CFAP221: variants seen among roughly 807,000 people sequenced by gnomAD.
CFAP221 encodes cilia- and flagella-associated protein 221.
In CFAP221, 97 loss-of-function variants were observed where a neutral mutation model predicts 113.1. The ratio of observed to expected loss-of-function variants is 0.86; its 90% CI spans 0.73 to 1.02. The LOEUF is 1.02. Among genes scored for constraint, CFAP221 ranks in the 50% least tolerant of loss-of-function variants. The probability of loss-of-function intolerance (pLI) is 0.00; values close to 1 mark genes in which losing one functional copy is unlikely to be tolerated. For synonymous variants in CFAP221, 331 were observed against 354.4 expected, an observed-to-expected ratio of 0.93 and a Z score of 0.74; for missense variants, 1,025 against 1,013.4, an observed-to-expected ratio of 1.01 and a Z score of -0.16.
chr2:119,546,374 T>A, intron 2 of CFAP221, 104 bp downstream of exon 2: 4 of 1,260,606 alleles, frequency 3.2e-6, no homozygotes, highest in Non-Finnish European at 4.3e-6. Flanking sequence ...ATCTATATCA[T>A]TTTATAGGCT....
rs1003171067 is a variant in CFAP221 at position 119,546,369 on chromosome 2, T to C, written c.139+99T>C. On this transcript the variant is annotated intron_variant, in intron 2 of 23. Transcript: ENST00000413369. ...GGGACTTTTAGTGCTGATTTATCTA[T>C]ATCATTTTATAGGCTTATACTAATT... 20 of 1,295,642 alleles carry C rather than the reference T, an allele frequency of 1.5e-5. No individual in the cohort carries two copies. The Admixed American group carries it at 5.3e-4, about 34-fold the overall frequency. 80.3% of individuals were successfully genotyped at this position (1,295,642 alleles called of 1,614,324 possible).
At chr2:119,602,116 G>A (rs1046110328) in intron 8 of CFAP221, among the ~76,000 whole-genome samples, 40 of 151,948 alleles carry the variant, frequency 2.6e-4, no homozygotes, top group African/African-American at 9.4e-4. Flanking sequence ...ATGGTGACTC[G>A]CGCCTATAAT....
chr2:119,545,766 G>T (rs1026944441), intron 1 of CFAP221, among the ~76,000 whole-genome samples: 6 of 152,114 alleles, frequency 3.9e-5, no homozygotes, highest in Non-Finnish European at 7.4e-5. Flanking sequence ...GTTTGACTGA[G>T]AGCCTTTATT....
chr2:119,640,037 T>C (rs1279822419), intron 21 of CFAP221, among the ~76,000 whole-genome samples, 165 bp downstream of exon 21: 1 of 152,192 alleles, frequency 6.6e-6, no homozygotes, highest in Non-Finnish European at 1.5e-5. Context: ...GATTTTCATA[T>C]TTGGAATTTA....
chr2:119,641,837 A>G (rs1687509291), intron 21 of CFAP221, among the ~76,000 whole-genome samples: 1 of 152,228 alleles, frequency 6.6e-6, no homozygotes, highest in South Asian at 2.1e-4. Flanking sequence ...CTATGCAGTC[A>G]GTAAACCGGG....
chr2:119,601,355 T>C lies in CFAP221; in HGVS notation c.769T>C (p.Cys257Arg). Reference protein sequence around the residue: ...QPYECVFTGTCYPNMALPLEE... With the variant: ...QPYECVFTGTRYPNMALPLEE... ...ATACGAATGTGTCTTCACCGGAACA[T>C]GCTATCCCAACATGGCCTTACCGTA... Residue 257 changes from cysteine (C) to arginine (R), a missense_variant, in exon 8 of 24, where the codon TGC (cysteine) becomes CGC (arginine). Coordinates refer to ENST00000413369, the MANE Select transcript of CFAP221 (RefSeq NM_001271049.2). The C allele has an allele frequency of 6.5e-7, 1 of 1,532,266 alleles. No homozygotes were observed. The highest frequency in any genetic ancestry group is 8.7e-7 in the Non-Finnish European group (1 of 1,144,432). The allele number at this position is 1,532,266 out of a possible 1,614,324, so 94.9% of individuals were successfully genotyped here. A position where few individuals can be genotyped will look rare whatever the true frequency, so the allele number is the denominator to read the frequency against.
chr2:119,561,844 G>C (rs1403533155), intron 5 of CFAP221, among the ~76,000 whole-genome samples, 170 bp from the exon 6 acceptor site: 2 of 152,182 alleles, frequency 1.3e-5, no homozygotes, highest in African/African-American at 4.8e-5. Flanking sequence ...TCTACGCTTT[G>C]TTTATGGCTA....
At chr2:119,651,751 T>C (rs1335717437) in intron 22 of CFAP221, among the ~76,000 whole-genome samples, 2 of 152,242 alleles carry the variant, frequency 1.3e-5, no homozygotes, top group Admixed American at 6.5e-5. Flanking sequence ...AAATTACTTT[T>C]TATTCTCTGG....
At chr2:119,560,047 T>A in intron 5 of CFAP221, 21 bp downstream of exon 5, 1 of 520,990 alleles carries the variant, frequency 1.9e-6, no homozygotes, top group South Asian at 4.7e-5. Context: ...TAAAATTGCT[T>A]TTTTTTTTTT....
chr2:119,579,919 C>A (rs1220615523), intron 6 of CFAP221, among the ~76,000 whole-genome samples: 1 of 152,176 alleles, frequency 6.6e-6, no homozygotes, highest in Non-Finnish European at 1.5e-5. Flanking sequence ...GGGTTACTGA[C>A]CTAGGGCAAC....
chr2:119,600,551 GTAAT>G (rs908495273), intron 7 of CFAP221, among the ~76,000 whole-genome samples: 10 of 152,258 alleles, frequency 6.6e-5, no homozygotes, highest in African/African-American at 1.4e-4. Flanking sequence ...GATTAATATA[GTAAT>G]TAATAAATAA....
In CFAP221 at chr2:119,587,271, T is replaced by G. The variant is rs1189113658; in HGVS notation, c.631+49T>G. ...TTCTAAAAACAAGAATAAGCTGCATTCAAACGTTATATTTTCAAACACATA... is the reference window on the plus strand; with the variant it reads ...TTCTAAAAACAAGAATAAGCTGCATGCAAACGTTATATTTTCAAACACATA... On this transcript the variant is annotated intron_variant, in intron 7 of 23. Coordinates refer to ENST00000413369, the MANE Select transcript of CFAP221 (RefSeq NM_001271049.2). 3.1e-6 allele frequency: 4 copies of G among 1,300,200 alleles called. No homozygotes were observed. The South Asian group carries it at 5.7e-5, about 18-fold the overall frequency. The allele number at this position is 1,300,200 out of a possible 1,614,324, so 80.5% of individuals were successfully genotyped here.
At chr2:119,587,936 G>A (rs575495402) in intron 7 of CFAP221, among the ~76,000 whole-genome samples, 1 of 152,286 alleles carries the variant, frequency 6.6e-6, no homozygotes, top group East Asian at 1.9e-4. Context: ...ATTATGAAAT[G>A]TACTTAGATT....
At chr2:119,567,384 C>G (rs1056698629) in intron 6 of CFAP221, among the ~76,000 whole-genome samples, 1 of 152,158 alleles carries the variant, frequency 6.6e-6, no homozygotes, top group Non-Finnish European at 1.5e-5. Context: ...TAGTCTTTTT[C>G]TGATTGGGTG....
intron 3 of CFAP221, among the ~76,000 whole-genome samples, chr2:119,558,639 G>A (rs994950486): frequency 6.6e-6 from 1 of 151,992 alleles, no homozygotes; most frequent in African/African-American, 2.4e-5. Flanking sequence ...ACAACATAAT[G>A]AGACCCCATC....
At chr2:119,606,031 C>T (rs1291223799) in intron 11 of CFAP221, among the ~76,000 whole-genome samples, 2 of 152,116 alleles carry the variant, frequency 1.3e-5, no homozygotes, top group African/African-American at 4.8e-5. Context: ...GGATATGCAA[C>T]ATTTGCATAT....
At position 119,550,610 on chromosome 2, in the gene CFAP221, T is replaced by C. The variant is rs1680348808; in HGVS notation, c.240+1425T>C. On this transcript the variant is annotated intron_variant, in intron 3 of 23. Coordinates refer to ENST00000413369, the MANE Select transcript of CFAP221 (RefSeq NM_001271049.2). ...GTTATAAGGTTTGCTGTCTATGCTG[T>C]GGTAGGATAGATCTAAAATAATTAT... Among the ~76,000 whole-genome samples the C allele has an allele frequency of 2.6e-5, 4 of 152,346 alleles. 1 individual carries two copies. In the South Asian group the frequency reaches 8.3e-4, roughly 32 times the overall value.
chr2:119,645,130 GTCTCTC>G (rs375788106), intron 21 of CFAP221, among the ~76,000 whole-genome samples: 1 of 147,456 alleles, frequency 6.8e-6, no homozygotes, highest in African/African-American at 2.5e-5. Flanking sequence ...GTCTCTGTCT[GTCTCTC>G]TCTCTCTCTC....
At chr2:119,546,029 G>GA (rs1293819341) in intron 1 of CFAP221, 56 bp from the exon 2 acceptor site, 2 of 1,274,038 alleles carry the variant, frequency 1.6e-6, no homozygotes, top group Non-Finnish European at 2.1e-6. Flanking sequence ...CAAAGAAAGA[G>GA]AAAAAATGTG....
Sources: allele counts gnomAD v4.1 joint callset (sites outside exome capture counted in the v4.1 genomes callset), GRCh38; gene constraint gnomAD v4.1.1; transcripts MANE v1.5; gene names NCBI Gene and HGNC (gene_info 2026-07-23, HGNC 2026-07-21).